The following CGNL1 variants were observed in gnomAD, a reference collection of about 807,000 sequenced individuals.
CGNL1 encodes cingulin like 1, also known as cingulin-like protein 1.
Under a neutral mutation model 141.2 loss-of-function variants are expected in CGNL1, and 132 were observed. That is an observed-to-expected ratio of 0.93 (90% CI 0.81 to 1.08). The LOEUF (loss-of-function observed/expected upper bound fraction) is 1.08. CGNL1 is among the 50% of genes least tolerant of loss of function. The pLI, the probability that CGNL1 is intolerant of heterozygous loss-of-function variation, is 0.00. For missense variants in CGNL1, 1,870 were observed against 1,588.6 expected (o/e 1.18, Z -3.01); for synonymous variants, 690 against 622.1 (o/e 1.11, Z -1.63).
chr15:57,437,046 C>T (rs2063113998), intron 1 of CGNL1, among the ~76,000 whole-genome samples: 1 of 151,916 alleles, frequency 6.6e-6, no homozygotes, highest in African/African-American at 2.4e-5. Context: ...TTCCTGGAGT[C>T]CCTTTGCCAT....
At chr15:57,412,914 C>T (rs1412285263) in intron 1 of CGNL1, among the ~76,000 whole-genome samples, 2 of 152,102 alleles carry the variant, frequency 1.3e-5, no homozygotes. Context: ...GGCTGGAGTA[C>T]AGTGGCGCGA....
Position 57,438,855 on chromosome 15 carries a change from C to A in CGNL1, c.856C>A (p.Pro286Thr), listed in dbSNP as rs1295306806. The A allele has an allele frequency of 1.2e-6, 2 of 1,614,222 alleles. No homozygotes were observed. Among genetic ancestry groups the A allele is most frequent in the South Asian group, 1.1e-5 (1 of 91,088 alleles). ...CTTCCGGCGACAGGATTCAGCGGGA[C>A]CCGTCCTGGATGGAGCTCGGTCCCG... ...LPFRRQDSAG[P>T]VLDGARSRRS... The change falls in exon 2 of 19, where the codon CCC becomes ACC. Residue 286 changes from proline to threonine, a missense_variant. Transcript: ENST00000281282.
intron 10 of CGNL1, 97 bp from the exon 11 acceptor site, chr15:57,523,392 T>C: frequency 1.0e-6 from 1 of 997,722 alleles, no homozygotes. Flanking sequence ...ACAGATCTGA[T>C]TGCTTTGCAG....
Position 57,439,562 on chromosome 15 carries a change from A to G in CGNL1, c.1563A>G (p.Lys521=), listed in dbSNP as rs147416502. The G allele has an allele frequency of 1.1e-5, 17 of 1,613,788 alleles. No individual in the cohort carries two copies. In the African/African-American group the frequency reaches 1.7e-4, roughly 16 times the overall value. The change falls in exon 2 of 19, where the codon AAA becomes AAG. Residue 521 remains lysine, a synonymous_variant. Transcript: ENST00000281282. The part of the protein sequence containing the change: ...TATSPDSGAK[K]ISVKTFPSAS... ...CTTCGCCTGATTCTGGTGCCAAGAA[A>G]ATTTCCGTGAAGACATTTCCTTCGG...
At chr15:57,452,830 A>G (rs1475284009) in intron 6 of CGNL1, among the ~76,000 whole-genome samples, 2 of 152,210 alleles carry the variant, frequency 1.3e-5, no homozygotes, top group African/African-American at 2.4e-5. Context: ...AAACAGTGCT[A>G]TGACGTTCTG....
chr15:57,489,650 T>C (rs1187314160), intron 8 of CGNL1, among the ~76,000 whole-genome samples: 1 of 152,218 alleles, frequency 6.6e-6, no homozygotes, highest in Non-Finnish European at 1.5e-5. Flanking sequence ...GTCCCATCAC[T>C]GTTGGTTGAA....
chr15:57,535,488 A>G (rs1300768408), intron 14 of CGNL1, among the ~76,000 whole-genome samples: 2 of 152,210 alleles, frequency 1.3e-5, no homozygotes, highest in Non-Finnish European at 2.9e-5. Context: ...AAGAAAGGGT[A>G]AGACGTGAAT....
chr15:57,455,706 T>C (rs1189748368), intron 7 of CGNL1, among the ~76,000 whole-genome samples: 1 of 152,240 alleles, frequency 6.6e-6, no homozygotes, highest in Non-Finnish European at 1.5e-5. Context: ...GGAATAATTC[T>C]GAAATGAACT....
chr15:57,415,016 A>T (rs1220209074), intron 1 of CGNL1, among the ~76,000 whole-genome samples: 3 of 152,208 alleles, frequency 2.0e-5, no homozygotes, highest in Admixed American at 6.5e-5. Flanking sequence ...GGGGCATTTC[A>T]CGGAGCAGAT....
Position 57,408,914 on chromosome 15 carries a change from C to G in CGNL1, c.-15-29071C>G, listed in dbSNP as rs548248091. Among the ~76,000 whole-genome samples the G allele has an allele frequency of 3.3e-5, 5 of 152,066 alleles. No individual in the cohort carries two copies. The South Asian group carries it at 8.3e-4, about 25-fold the overall frequency. On this transcript the variant is annotated intron_variant, in intron 1 of 18. Transcript: ENST00000281282. The stretch of plus-strand genomic sequence containing the variant: ...AAAATTAGCCAGGCATGGTGGTGTG[C>G]GCCTGTAATCCAGCTACTCAGAAGG...
rs141566793 is a variant in CGNL1 at position 57,539,561 on chromosome 15, G to A, written c.3292-4135G>A. On this transcript the variant is annotated intron_variant, in intron 14 of 18. Transcript: ENST00000281282. ...GTCTTAGTCGCTGCTGGATTCCAGAGGAGAAGTGTGGTGTCTATTCCCACC... is the reference window on the plus strand; with the variant it reads ...GTCTTAGTCGCTGCTGGATTCCAGAAGAGAAGTGTGGTGTCTATTCCCACC... Among the ~76,000 whole-genome samples, 286 of 152,336 alleles carry A rather than the reference G, an allele frequency of 1.9e-3. 1 individual carries two copies. Among genetic ancestry groups the A allele is most frequent in the African/African-American group, 6.2e-3 (258 of 41,584 alleles).
intron 1 of CGNL1, among the ~76,000 whole-genome samples, chr15:57,410,040 T>C (rs537456372): frequency 5.9e-5 from 9 of 152,194 alleles, no homozygotes; most frequent in African/African-American, 2.2e-4. Context: ...TCAGCTGAGA[T>C]GGTTTGGGGT....
At chr15:57,447,936 C>T (rs2063276856) in intron 4 of CGNL1, among the ~76,000 whole-genome samples, 1 of 151,900 alleles carries the variant, frequency 6.6e-6, no homozygotes, top group African/African-American at 2.4e-5. Context: ...GTCAATCTTA[C>T]TTTAAGACTT....
intron 1 of CGNL1, among the ~76,000 whole-genome samples, chr15:57,408,668 G>T (rs1436426342): frequency 6.6e-6 from 1 of 152,016 alleles, no homozygotes; most frequent in Non-Finnish European, 1.5e-5. Flanking sequence ...ACCGCACCCA[G>T]CTCATTAGTG....
chr15:57,429,553 A>C (rs570947782), intron 1 of CGNL1, among the ~76,000 whole-genome samples: 1 of 152,248 alleles, frequency 6.6e-6, no homozygotes, highest in Non-Finnish European at 1.5e-5. Flanking sequence ...TTCTATGTAC[A>C]TGACAGTATG....
At chr15:57,440,601 A>C in intron 3 of CGNL1, 130 bp downstream of exon 3, 7 of 691,894 alleles carry the variant, frequency 1.0e-5, no homozygotes, top group Non-Finnish European at 1.7e-5. Context: ...TTAAAACTCA[A>C]TGGCTGGGGT....
At chr15:57,494,880 A>C (rs1258820848) in intron 8 of CGNL1, among the ~76,000 whole-genome samples, 2 of 152,176 alleles carry the variant, frequency 1.3e-5, no homozygotes, top group African/African-American at 4.8e-5. Context: ...CATGTGCTTC[A>C]TGTATAATTC....
At position 57,547,528 on chromosome 15, in the gene CGNL1, C is replaced by T. The variant is rs1171986954; in HGVS notation, c.*38C>T. The T allele has an allele frequency of 6.3e-7, 1 of 1,597,342 alleles. No homozygotes were observed. Among genetic ancestry groups the T allele is most frequent in the Non-Finnish European group, 8.5e-7 (1 of 1,171,194 alleles). ...GCTGTGGAAGTACCTGTCATTCCTG[C>T]AGGAGCTGCAGCCACCCAAAGTGGG... On this transcript the variant is annotated 3_prime_UTR_variant, in exon 19 of 19. Coordinates refer to ENST00000281282, the MANE Select transcript of CGNL1 (RefSeq NM_032866.5).
chr15:57,533,753 A>G (rs976721353), intron 14 of CGNL1, among the ~76,000 whole-genome samples: 14 of 152,314 alleles, frequency 9.2e-5, no homozygotes, highest in African/African-American at 3.4e-4. Context: ...TTTCCTTTCA[A>G]CTGAGCACTT....
Sources: allele counts gnomAD v4.1 joint callset (sites outside exome capture counted in the v4.1 genomes callset), GRCh38; gene constraint gnomAD v4.1.1; transcripts MANE v1.5; gene names NCBI Gene and HGNC (gene_info 2026-07-23, HGNC 2026-07-21).